Variants in KIAA1217 observed in about 807,000 individuals in gnomAD.
The protein encoded by KIAA1217 is KIAA1217.
A neutral mutation model predicts 163.9 loss-of-function variants in KIAA1217; 88 were observed. The observed-to-expected ratio is 0.54, with a 90% CI of 0.45 to 0.64. The LOEUF is 0.64. KIAA1217 is among the 30% of genes least tolerant of loss of function. The pLI is 0.00. For synonymous variants in KIAA1217, 903 were observed against 923.1 expected (o/e 0.98, Z 0.39); for missense variants, 2,372 against 2,475.0 (o/e 0.96, Z 0.88).
intron 1 of KIAA1217, among the ~76,000 whole-genome samples, chr10:23,990,785 G>A (rs544839663): frequency 2.2e-4 from 33 of 152,102 alleles, no homozygotes; most frequent in Middle Eastern, 3.4e-3. Context: ...CTCTACAAAG[G>A]GTCCTAGTTA....
intron 2 of KIAA1217, among the ~76,000 whole-genome samples, chr10:24,327,258 A>G (rs572349785): frequency 2.0e-5 from 3 of 152,352 alleles, no homozygotes; most frequent in Admixed American, 2.0e-4. Context: ...TTTCAGAAAT[A>G]TAAGTTCATT....
intron 2 of KIAA1217, among the ~76,000 whole-genome samples, chr10:24,080,959 A>C (rs937772418): frequency 6.6e-6 from 1 of 152,196 alleles, no homozygotes; most frequent in Non-Finnish European, 1.5e-5. Context: ...GAATGATAGG[A>C]GTTAACGTGT....
chr10:23,775,215 G>GGA (rs1834958295), intron 1 of KIAA1217, among the ~76,000 whole-genome samples: 2 of 152,254 alleles, frequency 1.3e-5, no homozygotes, highest in South Asian at 4.1e-4. Context: ...AGGGAGATGA[G>GGA]GAGATTCAGA....
chr10:24,416,159 C>T (rs2058229879), intron 3 of KIAA1217, among the ~76,000 whole-genome samples: 2 of 152,166 alleles, frequency 1.3e-5, no homozygotes, highest in African/African-American at 2.4e-5. Context: ...CAAATAACGA[C>T]GTAATTATTA....
chr10:24,428,350 C>T (rs368121491), intron 3 of KIAA1217, among the ~76,000 whole-genome samples: 32 of 152,278 alleles, frequency 2.1e-4, no homozygotes, highest in African/African-American at 5.1e-4. Flanking sequence ...AGGTATTCTC[C>T]GCATTCTGAG....
At chr10:23,845,285 A>C (rs1010222888) in intron 1 of KIAA1217, among the ~76,000 whole-genome samples, 2 of 152,144 alleles carry the variant, frequency 1.3e-5, no homozygotes, top group African/African-American at 4.8e-5. Flanking sequence ...TGGTATTTCT[A>C]GTTCTAGATC....
At chr10:23,857,156 C>T (rs561388776) in intron 1 of KIAA1217, among the ~76,000 whole-genome samples, 63 of 152,320 alleles carry the variant, frequency 4.1e-4, no homozygotes, top group Middle Eastern at 3.4e-3. Context: ...CATCTTGGCG[C>T]TCTCTCAGGG....
At chr10:24,000,926 A>G (rs1294675407) in intron 1 of KIAA1217, among the ~76,000 whole-genome samples, 1 of 152,192 alleles carries the variant, frequency 6.6e-6, no homozygotes, top group Admixed American at 6.5e-5. Context: ...TATGTGGGGG[A>G]AAATGTGTGG....
chr10:24,280,039 G>T (rs983292252), intron 2 of KIAA1217, among the ~76,000 whole-genome samples: 1 of 152,098 alleles, frequency 6.6e-6, no homozygotes, highest in Non-Finnish European at 1.5e-5. Context: ...TTTTTTAATG[G>T]GATGGCGTGC....
intron 2 of KIAA1217, among the ~76,000 whole-genome samples, chr10:24,337,565 T>G (rs1347812967): frequency 6.6e-6 from 1 of 152,124 alleles, no homozygotes; most frequent in Non-Finnish European, 1.5e-5. Context: ...TTTTTTTGTT[T>G]GCTTTGTTTT....
At chr10:23,797,388 A>G (rs1220593827) in intron 1 of KIAA1217, among the ~76,000 whole-genome samples, 1 of 152,228 alleles carries the variant, frequency 6.6e-6, no homozygotes, top group African/African-American at 2.4e-5. Flanking sequence ...AGAATAAACA[A>G]CTTGCTCAAG....
intron 2 of KIAA1217, among the ~76,000 whole-genome samples, chr10:24,342,645 C>T (rs112191709): frequency 7.1e-6 from 1 of 140,940 alleles, no homozygotes; most frequent in African/African-American, 2.6e-5. Context: ...CATGCAGATA[C>T]AACTCAATTT....
intron 1 of KIAA1217, among the ~76,000 whole-genome samples, chr10:23,941,464 G>C (rs1843763870): frequency 6.6e-6 from 1 of 152,096 alleles, no homozygotes; most frequent in Non-Finnish European, 1.5e-5. Context: ...CATTGAATCG[G>C]ACTAACATTT....
intron 5 of KIAA1217, among the ~76,000 whole-genome samples, chr10:24,456,222 A>G (rs745324558): frequency 2.0e-5 from 3 of 152,184 alleles, no homozygotes; most frequent in Non-Finnish European, 4.4e-5. Context: ...TTTGAAATAT[A>G]ATACAGTATG....
At chr10:24,236,764 A>G (rs2072330447) in intron 2 of KIAA1217, among the ~76,000 whole-genome samples, 1 of 150,266 alleles carries the variant, frequency 6.7e-6, no homozygotes, top group Admixed American at 6.7e-5. Context: ...CGTTCCTCTC[A>G]CCTCAACCTC....
At chr10:24,043,896 G>A (rs907984223) in intron 2 of KIAA1217, among the ~76,000 whole-genome samples, 2 of 151,990 alleles carry the variant, frequency 1.3e-5, no homozygotes, top group Non-Finnish European at 2.9e-5. Flanking sequence ...TTGATAAAAG[G>A]TCTGGGTTGG....
At chr10:23,945,077 G>GA in intron 1 of KIAA1217, among the ~76,000 whole-genome samples, 1 of 147,470 alleles carries the variant, frequency 6.8e-6, no homozygotes, top group Non-Finnish European at 1.5e-5. Context: ...AAAAAAAAAG[G>GA]GTTTTAACAT....
intron 2 of KIAA1217, among the ~76,000 whole-genome samples, chr10:24,235,813 C>T (rs1007554222): frequency 7.9e-5 from 12 of 152,140 alleles, no homozygotes; most frequent in Admixed American, 3.9e-4. Context: ...GCAGAAGGTC[C>T]GCGTTGACCC....
chr10:23,723,378 G>C (rs1356757774), intron 1 of KIAA1217, among the ~76,000 whole-genome samples: 1 of 151,638 alleles, frequency 6.6e-6, no homozygotes, highest in African/African-American at 2.4e-5. Context: ...TTAATTGTCT[G>C]TTGCTTAGCT....
Sources: gnomAD v4.1 joint callset for allele counts (sites outside exome capture counted in the v4.1 genomes callset) on GRCh38, gnomAD v4.1.1 for gene constraint, MANE v1.5 for transcripts, NCBI Gene and HGNC (gene_info 2026-07-23, HGNC 2026-07-21) for gene names.